The following HTRA4 variants were observed in gnomAD, a reference collection of about 807,000 sequenced individuals.
HTRA4 encodes HtrA serine peptidase 4, also known as serine protease HTRA4.
Under a neutral mutation model 49.1 loss-of-function variants are expected in HTRA4, and 46 were observed. That is an observed-to-expected ratio of 0.94 (90% CI 0.74 to 1.20). The LOEUF (loss-of-function observed/expected upper bound fraction) is 1.20. Among genes scored for constraint, HTRA4 ranks in the 50% most tolerant of loss-of-function variants. HTRA4 has a pLI of 0.00. For missense variants in HTRA4, 602 were observed against 636.9 expected (o/e 0.95, Z 0.59); for synonymous variants, 261 against 264.0 (o/e 0.99, Z 0.11).
At chr8:38,982,312 T>A (rs1480042847) in intron 6 of HTRA4, among the ~76,000 whole-genome samples, 186 bp from the exon 7 acceptor site, 1 of 152,002 alleles carries the variant, frequency 6.6e-6, no homozygotes, top group Non-Finnish European at 1.5e-5. Flanking sequence ...ACCCAGGGGC[T>A]GGAGGTGGGA....
Position 38,976,676 on chromosome 8 carries a change from T to G in HTRA4, c.708T>G (p.Tyr236Ter). 1 of 1,614,220 alleles carries G rather than the reference T, an allele frequency of 6.2e-7. No individual in the cohort carries two copies. The highest frequency in any genetic ancestry group is 8.5e-7 in the Non-Finnish European group (1 of 1,180,044). Residue 236 changes from tyrosine to a stop codon, truncating the protein, a stop_gained, in exon 3 of 9, where the codon TAT (tyrosine) becomes TAG (stop). Coordinates refer to ENST00000302495, the MANE Select transcript of HTRA4 (RefSeq NM_153692.4). LOFTEE classifies it high-confidence loss of function. ...IEVVLQNGARYEAVVKDIDLK... is the reference protein window; with the variant it reads ...IEVVLQNGAR Reference sequence around the variant, plus strand: ...TGGTGCTCCAGAATGGGGCCCGTTATGAAGCTGTTGTCAAGGATATTGACC... The same window carrying G: ...TGGTGCTCCAGAATGGGGCCCGTTAGGAAGCTGTTGTCAAGGATATTGACC...
At chr8:38,985,574 T>C (rs748109375) in intron 8 of HTRA4, among the ~76,000 whole-genome samples, 1 of 152,240 alleles carries the variant, frequency 6.6e-6, no homozygotes, top group East Asian at 1.9e-4. Context: ...CAGAGGGCAC[T>C]GTTCAGCACA....
intron 3 of HTRA4, 104 bp from the exon 4 acceptor site, chr8:38,977,849 A>T: frequency 8.4e-7 from 1 of 1,185,134 alleles, no homozygotes; most frequent in Non-Finnish European, 1.2e-6. Flanking sequence ...CCAAGGTGAT[A>T]GAGACAGCGT....
intron 8 of HTRA4, among the ~76,000 whole-genome samples, 180 bp from the exon 9 acceptor site, chr8:38,987,756 C>CT (rs750390531): frequency 6.6e-6 from 1 of 152,016 alleles, no homozygotes; most frequent in African/African-American, 2.4e-5. Flanking sequence ...CTCTAGGTGA[C>CT]TTTTTTGCAG....
intron 2 of HTRA4, among the ~76,000 whole-genome samples, chr8:38,976,205 C>T (rs780214915): frequency 2.6e-5 from 4 of 152,030 alleles, no homozygotes; most frequent in Non-Finnish European, 5.9e-5. Flanking sequence ...TGAGGTCAGG[C>T]GTTCGAGAGC....
At chr8:38,982,869 A>G in intron 7 of HTRA4, 84 bp from the exon 8 acceptor site, 1 of 883,670 alleles carries the variant, frequency 1.1e-6, no homozygotes, top group Non-Finnish European at 1.8e-6. Flanking sequence ...CTTGAGCAGA[A>G]CAGAGTACCT....
Position 38,987,927 on chromosome 8 carries a change from C to A in HTRA4, c.1269-9C>A. 1 of 1,533,306 alleles carries A rather than the reference C, an allele frequency of 6.5e-7. No homozygotes were observed. Among genetic ancestry groups the A allele is most frequent in the Non-Finnish European group, 8.7e-7 (1 of 1,147,078 alleles). 95.0% of individuals were successfully genotyped at this position (1,533,306 alleles called of 1,614,324 possible). On this transcript the variant is annotated splice_polypyrimidine_tract_variant and intron_variant, in intron 8 of 8. Transcript: ENST00000302495. ...TTTCATGATCCTCTTTTTTTTCTCC[C>A]TCTCTCAGCTCTGGATTGAGAGATC...
chr8:38,978,857 T>G (rs1835384998), intron 4 of HTRA4, among the ~76,000 whole-genome samples: 2 of 151,950 alleles, frequency 1.3e-5, no homozygotes, highest in Admixed American at 1.3e-4. Context: ...TAGCTGGGCA[T>G]GGTGGCGGGT....
chr8:38,988,186 G>A lies in HTRA4; in HGVS notation c.*88G>A. 8.2e-7 allele frequency: 1 copy of A among 1,214,780 alleles called. No individual in the cohort carries two copies. The highest frequency in any genetic ancestry group is 1.1e-6 in the Non-Finnish European group (1 of 904,100). 75.3% of individuals were successfully genotyped at this position (1,214,780 alleles called of 1,614,324 possible). On this transcript the variant is annotated 3_prime_UTR_variant, in exon 9 of 9. Transcript: ENST00000302495. The stretch of plus-strand genomic sequence containing the variant: ...ATTGGAGATGTGCCAAACATGGCAA[G>A]AAGTTTTTGGATCTTTTTCTTACAA...
In HTRA4 at chr8:38,974,773, G is replaced by C. The variant is rs1835324705; in HGVS notation, c.466+44G>C. 3.5e-6 allele frequency: 5 copies of C among 1,416,344 alleles called. No homozygotes were observed. The East Asian group carries it at 1.3e-4, about 36-fold the overall frequency. 87.7% of individuals were successfully genotyped at this position (1,416,344 alleles called of 1,614,324 possible). A position where few individuals can be genotyped will look rare whatever the true frequency, so the allele number is the denominator to read the frequency against. On this transcript the variant is annotated intron_variant, in intron 1 of 8. Coordinates refer to ENST00000302495, the MANE Select transcript of HTRA4 (RefSeq NM_153692.4). Reference sequence around the variant, plus strand: ...CGCCCTCGGAACACTTTCTAACTCTGGAGGAGCGTAAAGGAACAAGACCTC... The same window carrying C: ...CGCCCTCGGAACACTTTCTAACTCTCGAGGAGCGTAAAGGAACAAGACCTC...
Position 38,974,326 on chromosome 8 carries a change from G to C in HTRA4, c.63G>C (p.Leu21=), listed in dbSNP as rs1337639693. The change falls in exon 1 of 9, where the codon CTG becomes CTC. Residue 21 remains leucine, a synonymous_variant. Transcript: ENST00000302495. ...LGRCLLPGLL[L]LLVPVLWAGA... is the part of the protein sequence containing the mutation. Reference sequence around the variant, plus strand: ...GATGCCTCCTGCCGGGGCTGCTGCTGCTCCTGGTGCCCGTCCTCTGGGCCG... The same window carrying C: ...GATGCCTCCTGCCGGGGCTGCTGCTCCTCCTGGTGCCCGTCCTCTGGGCCG... 6.2e-7 allele frequency: 1 copy of C among 1,612,714 alleles called. No individual in the cohort carries two copies. The highest frequency in any genetic ancestry group is 8.5e-7 in the Non-Finnish European group (1 of 1,179,750).
chr8:38,974,632 C>T lies in HTRA4; in HGVS notation c.369C>T (p.Tyr123=), dbSNP rs1455408684. 3 of 1,423,646 alleles carry T rather than the reference C, an allele frequency of 2.1e-6. No homozygotes were observed. Among genetic ancestry groups the T allele is most frequent in the African/African-American group, 3.0e-5 (2 of 66,636 alleles). 88.2% of individuals were successfully genotyped at this position (1,423,646 alleles called of 1,614,324 possible). ...TGTGCGGCAGCGACAGGCGCACCTA[C>T]CCCAGCATGTGCGCGCTCCGGGCCG... ...GAVCGSDRRT[Y]PSMCALRAEN... The change falls in exon 1 of 9, where the codon TAC becomes TAT. Residue 123 remains tyrosine, a synonymous_variant. Coordinates refer to ENST00000302495, the MANE Select transcript of HTRA4 (RefSeq NM_153692.4).
At chr8:38,986,319 G>A (rs1835482196) in intron 8 of HTRA4, among the ~76,000 whole-genome samples, 1 of 152,058 alleles carries the variant, frequency 6.6e-6, no homozygotes, top group South Asian at 2.1e-4. Context: ...TTTCGCTCTT[G>A]TTGCCCCAGC....
At position 38,974,635 on chromosome 8, in the gene HTRA4, C is replaced by G; in HGVS notation, c.372C>G (p.Pro124=). 1.4e-6 allele frequency: 2 copies of G among 1,416,966 alleles called. No homozygotes were observed. Among genetic ancestry groups the G allele is most frequent in the Non-Finnish European group, 1.8e-6 (2 of 1,094,300 alleles). 87.8% of individuals were successfully genotyped at this position (1,416,966 alleles called of 1,614,324 possible). Residue 124 remains proline (P), a synonymous_variant, in exon 1 of 9, where the codon CCC becomes CCG. Coordinates refer to ENST00000302495, the MANE Select transcript of HTRA4 (RefSeq NM_153692.4). Reference sequence around the variant, plus strand: ...GCGGCAGCGACAGGCGCACCTACCCCAGCATGTGCGCGCTCCGGGCCGAAA... The same window carrying G: ...GCGGCAGCGACAGGCGCACCTACCCGAGCATGTGCGCGCTCCGGGCCGAAA... ...AVCGSDRRTY[P]SMCALRAENR...
At chr8:38,974,898 C>G in intron 1 of HTRA4, 133 bp from the exon 2 acceptor site, 2 of 1,237,066 alleles carry the variant, frequency 1.6e-6, no homozygotes, top group East Asian at 4.7e-5. Flanking sequence ...AACAGGGGCT[C>G]TTTACCGGCT....
rs780739972 is a variant in HTRA4 at position 38,976,710 on chromosome 8, G to C, written c.742G>C (p.Asp248His). 6.2e-6 allele frequency: 10 copies of C among 1,614,178 alleles called. No individual in the cohort carries two copies. The highest frequency in any genetic ancestry group is 8.5e-6 in the Non-Finnish European group (10 of 1,180,026). The change falls in exon 3 of 9, where the codon GAT (aspartate) becomes CAT (histidine). Residue 248 changes from aspartate (D) to histidine (H), a missense_variant. Transcript: ENST00000302495. The part of the protein sequence containing the change: ...AVVKDIDLKL[D>H]LAVIKIESNA... Reference sequence around the variant, plus strand: ...TGTCAAGGATATTGACCTTAAATTGGATCTTGCGGTGATTAAGATTGAATC... The same window carrying C: ...TGTCAAGGATATTGACCTTAAATTGCATCTTGCGGTGATTAAGATTGAATC...
At position 38,988,125 on chromosome 8, in the gene HTRA4, T is replaced by TAAAAA. The variant is rs373559742; in HGVS notation, c.*36_*40dup. 2.9e-4 allele frequency: 381 copies of TAAAAA among 1,334,708 alleles called. 5 individuals carry two copies. Among genetic ancestry groups the TAAAAA allele is most frequent in the East Asian group, 1.4e-3 (50 of 36,670 alleles). 82.7% of individuals were successfully genotyped at this position (1,334,708 alleles called of 1,614,324 possible). On this transcript the variant is annotated 3_prime_UTR_variant, in exon 9 of 9. Transcript: ENST00000302495. The stretch of plus-strand genomic sequence containing the variant: ...TATCTTGTTTTAAAGTGGGATTATC[T>TAAAAA]AAAAAAAAAAAAACCAGTTATATCA...
At chr8:38,984,663 C>A (rs1429069606) in intron 8 of HTRA4, among the ~76,000 whole-genome samples, 1 of 152,042 alleles carries the variant, frequency 6.6e-6, no homozygotes, top group African/African-American at 2.4e-5. Context: ...GTCAGAGAAT[C>A]GCTTGAACCT....
intron 3 of HTRA4, 112 bp from the exon 4 acceptor site, chr8:38,977,841 A>T: frequency 9.1e-7 from 1 of 1,093,388 alleles, no homozygotes; most frequent in Non-Finnish European, 1.3e-6. Flanking sequence ...GGTAAGGGCC[A>T]AGGTGATAGA....
Sources: gnomAD v4.1 joint callset for allele counts (sites outside exome capture counted in the v4.1 genomes callset) on GRCh38, gnomAD v4.1.1 for gene constraint, MANE v1.5 for transcripts, NCBI Gene and HGNC (gene_info 2026-07-23, HGNC 2026-07-21) for gene names.